Variants in MYO9A observed in about 807,000 individuals in gnomAD.
MYO9A encodes the protein myosin IXA, also known as unconventional myosin-IXa.
In MYO9A, 103 loss-of-function variants were observed where a neutral mutation model predicts 293.3. The ratio of observed to expected loss-of-function variants is 0.35; its 90% confidence interval spans 0.30 to 0.41. MYO9A has a LOEUF of 0.41. Among genes scored for constraint, MYO9A ranks in the 10% least tolerant of loss-of-function variants. MYO9A has a pLI of 1.00. For synonymous variants in MYO9A, 1,001 were observed against 1,035.7 expected, an observed-to-expected ratio of 0.97 and a Z score of 0.64; for missense variants, 2,685 against 3,033.0, an observed-to-expected ratio of 0.89 and a Z score of 2.69.
intron 1 of MYO9A, among the ~76,000 whole-genome samples, chr15:72,115,823 A>C (rs1289950281): frequency 1.3e-5 from 2 of 152,214 alleles, no homozygotes; most frequent in Non-Finnish European, 2.9e-5. Flanking sequence ...AATTTTTTTC[A>C]ACTCACAAAA....
At chr15:72,039,119 G>C (rs541777750) in intron 2 of MYO9A, among the ~76,000 whole-genome samples, 17 of 152,070 alleles carry the variant, frequency 1.1e-4, no homozygotes, top group Non-Finnish European at 2.4e-4. Context: ...AAAATATTTC[G>C]AATTATTTAT....
chr15:71,957,669 G>A (rs1238630217), intron 14 of MYO9A, among the ~76,000 whole-genome samples: 2 of 152,100 alleles, frequency 1.3e-5, no homozygotes, highest in Non-Finnish European at 2.9e-5. Context: ...AAGTACATCA[G>A]AGTTACATAG....
intron 6 of MYO9A, among the ~76,000 whole-genome samples, chr15:72,011,432 GA>G (rs1195401466): frequency 1.3e-5 from 2 of 151,930 alleles, no homozygotes; most frequent in Non-Finnish European, 2.9e-5. Flanking sequence ...AAGTATATGT[GA>G]AAGTATAAAA....
Position 71,878,174 on chromosome 15 carries a change from G to C in MYO9A, c.5797C>G (p.Leu1933Val), listed in dbSNP as rs749056114. Residue 1933 changes from leucine (L) to valine (V), a missense_variant, in exon 31 of 42, where the codon CTG (leucine) becomes GTG (valine). Leu to Val is a conservative substitution (Grantham distance 32). Coordinates refer to ENST00000356056, the MANE Select transcript of MYO9A (RefSeq NM_006901.4). ...KDLYALFEQI[L>V]EKTMRLEQRD... ...TGCTCAAGCCTCATCGTCTTTTCCA[G>C]AATCTGTTCAAATAGTGCATAGAGG... The C allele has an allele frequency of 2.5e-6, 4 of 1,611,732 alleles. No homozygotes were observed. Among genetic ancestry groups the C allele is most frequent in the East Asian group, 2.2e-5 (1 of 44,822 alleles).
At chr15:71,903,181 C>T (rs915172911) in intron 21 of MYO9A, 118 bp from the exon 22 acceptor site, 6 of 820,246 alleles carry the variant, frequency 7.3e-6, no homozygotes, top group Middle Eastern at 3.3e-4. Context: ...GAAACCAAGA[C>T]GTGCATGTTA....
At chr15:71,839,064 G>GT (rs2055047080) in intron 39 of MYO9A, among the ~76,000 whole-genome samples, 1 of 152,122 alleles carries the variant, frequency 6.6e-6, no homozygotes, top group African/African-American at 2.4e-5. Flanking sequence ...GAAGATAAAT[G>GT]TTTTTTGGTT....
chr15:71,970,862 A>G (rs1321288896), intron 12 of MYO9A, among the ~76,000 whole-genome samples: 4 of 152,072 alleles, frequency 2.6e-5, no homozygotes, highest in Admixed American at 6.6e-5. Flanking sequence ...GTAACAGCAA[A>G]TAAGTGACAT....
intron 39 of MYO9A, among the ~76,000 whole-genome samples, 189 bp downstream of exon 39, chr15:71,848,656 T>C (rs2055496625): frequency 6.6e-6 from 1 of 152,224 alleles, no homozygotes; most frequent in Non-Finnish European, 1.5e-5. Context: ...ATCACATAGA[T>C]TCTATAATGT....
chr15:71,892,153 C>CA (rs2057196249), intron 26 of MYO9A: 1 of 152,140 alleles, frequency 6.6e-6, no homozygotes, highest in South Asian at 2.1e-4. Context: ...TAATACTTGT[C>CA]AAACCACATA....
intron 9 of MYO9A, among the ~76,000 whole-genome samples, chr15:71,997,080 A>ACAT (rs1393942284): frequency 6.6e-6 from 1 of 152,194 alleles, no homozygotes; most frequent in Admixed American, 6.5e-5. Context: ...TAAGTTGCTT[A>ACAT]CATAGCTGTA....
At chr15:71,873,609 A>AT (rs1222465691) in intron 32 of MYO9A, among the ~76,000 whole-genome samples, 2 of 152,190 alleles carry the variant, frequency 1.3e-5, no homozygotes, top group East Asian at 3.9e-4. Flanking sequence ...TAGGTAACTA[A>AT]TTTATTTTCA....
chr15:71,996,247 T>C (rs1289682886), intron 9 of MYO9A, among the ~76,000 whole-genome samples: 1 of 152,210 alleles, frequency 6.6e-6, no homozygotes, highest in African/African-American at 2.4e-5. Flanking sequence ...AGAATAAGCA[T>C]ATAAACATTA....
chr15:71,841,119 TATC>T (rs779604223), intron 39 of MYO9A, among the ~76,000 whole-genome samples: 1 of 152,226 alleles, frequency 6.6e-6, no homozygotes, highest in Non-Finnish European at 1.5e-5. Flanking sequence ...TGAATTCTCT[TATC>T]ATCTTTAAGT....
At chr15:71,896,109 A>C (rs532843182) in intron 25 of MYO9A, among the ~76,000 whole-genome samples, 1 of 152,320 alleles carries the variant, frequency 6.6e-6, no homozygotes, top group East Asian at 1.9e-4. Flanking sequence ...AATAATACTT[A>C]AAACTGTCAT....
chr15:71,994,299 G>A (rs1369972236), intron 10 of MYO9A, among the ~76,000 whole-genome samples, 170 bp downstream of exon 10: 1 of 152,044 alleles, frequency 6.6e-6, no homozygotes, highest in African/African-American at 2.4e-5. Flanking sequence ...AATAAAAAAG[G>A]TCTGGAAAGA....
intron 1 of MYO9A, among the ~76,000 whole-genome samples, chr15:72,100,488 C>T (rs1334775546): frequency 6.6e-6 from 1 of 151,724 alleles, no homozygotes; most frequent in Non-Finnish European, 1.5e-5. Context: ...CGTCTCCGAC[C>T]GGCCGCCATC....
chr15:72,012,571 T>C (rs979592472), intron 6 of MYO9A, among the ~76,000 whole-genome samples: 1 of 152,148 alleles, frequency 6.6e-6, no homozygotes, highest in African/African-American at 2.4e-5. Flanking sequence ...GTGCTGGGAT[T>C]ACAGGAGTAA....
intron 38 of MYO9A, among the ~76,000 whole-genome samples, chr15:71,849,659 A>AAGAC (rs1205694758): frequency 6.6e-6 from 1 of 152,122 alleles, no homozygotes; most frequent in Non-Finnish European, 1.5e-5. Context: ...CTCAAGAAAA[A>AAGAC]AGACCAAGGT....
intron 25 of MYO9A, among the ~76,000 whole-genome samples, chr15:71,894,541 C>T (rs2057268912): frequency 6.6e-6 from 1 of 152,152 alleles, no homozygotes. Flanking sequence ...CGTGCCACTG[C>T]ACACTCTAGC....
Sources: allele counts gnomAD v4.1 joint callset (sites outside exome capture counted in the v4.1 genomes callset), GRCh38; gene constraint gnomAD v4.1.1; transcripts MANE v1.5; gene names NCBI Gene and HGNC (gene_info 2026-07-23, HGNC 2026-07-21).